FHIT: variants seen among roughly 807,000 people sequenced by gnomAD.
FHIT encodes the protein bis(5'-adenosyl)-triphosphatase.
Under a neutral mutation model 17.9 loss-of-function variants are expected in FHIT, and 19 were observed. The ratio of observed to expected loss-of-function variants is 1.06; its 90% CI spans 0.74 to 1.56. FHIT has a LOEUF of 1.56. Ranked by LOEUF, FHIT falls within the 40% of genes most tolerant of loss-of-function variation. The pLI, the probability that FHIT is intolerant of heterozygous loss-of-function variation, is 0.00. For synonymous variants in FHIT, 81 were observed against 69.7 expected (o/e 1.16, Z -0.81); for missense variants, 248 against 189.2 (o/e 1.31, Z -1.82).
intron 3 of FHIT, among the ~76,000 whole-genome samples, chr3:60,964,718 C>G (rs1709630330): frequency 6.6e-6 from 1 of 152,198 alleles, no homozygotes. Flanking sequence ...ATATGAAATT[C>G]TGGGTTGAAA....
chr3:59,966,344 G>T (rs929100342), intron 7 of FHIT, among the ~76,000 whole-genome samples: 2 of 152,132 alleles, frequency 1.3e-5, no homozygotes, highest in Non-Finnish European at 2.9e-5. Context: ...CTCACATATG[G>T]TTGTCCTGGA....
intron 5 of FHIT, among the ~76,000 whole-genome samples, chr3:60,504,036 T>C (rs1395731443): frequency 6.6e-6 from 1 of 152,188 alleles, no homozygotes; most frequent in Non-Finnish European, 1.5e-5. Context: ...ACTACACAGA[T>C]AAATGACCAC....
intron 5 of FHIT, among the ~76,000 whole-genome samples, chr3:60,493,012 C>T (rs1373274665): frequency 1.3e-5 from 2 of 152,060 alleles, no homozygotes; most frequent in African/African-American, 4.8e-5. Context: ...TGTATACCCA[C>T]TAATTATAAA....
intron 4 of FHIT, among the ~76,000 whole-genome samples, chr3:60,776,608 G>T (rs149610313): frequency 1.1e-3 from 163 of 152,210 alleles, no homozygotes; most frequent in African/African-American, 3.9e-3. Context: ...TAAGGCCTGG[G>T]GACACACGGA....
chr3:61,176,035 A>C (rs1220076087), intron 2 of FHIT, among the ~76,000 whole-genome samples: 1 of 152,240 alleles, frequency 6.6e-6, no homozygotes, highest in African/African-American at 2.4e-5. Context: ...GACAAACATC[A>C]GTATCTCAGA....
intron 5 of FHIT, among the ~76,000 whole-genome samples, chr3:60,128,198 T>C (rs1705645805): frequency 6.6e-6 from 1 of 152,204 alleles, no homozygotes; most frequent in Admixed American, 6.5e-5. Context: ...GTGTTCCCAC[T>C]GAAATCTCAT....
intron 5 of FHIT, among the ~76,000 whole-genome samples, chr3:60,450,298 T>A (rs534504932): frequency 6.6e-6 from 1 of 152,126 alleles, no homozygotes; most frequent in African/African-American, 2.4e-5. Flanking sequence ...AACTCCATTA[T>A]AATCTTATGG....
chr3:61,239,567 T>C (rs1349296226), intron 1 of FHIT, among the ~76,000 whole-genome samples: 1 of 152,014 alleles, frequency 6.6e-6, no homozygotes, highest in Admixed American at 6.5e-5. Flanking sequence ...TATCTTATAA[T>C]CTTCCTTCTT....
At chr3:61,061,807 A>G (rs2034441159) in intron 2 of FHIT, among the ~76,000 whole-genome samples, 2 of 152,316 alleles carry the variant, frequency 1.3e-5, no homozygotes, top group South Asian at 4.1e-4. Flanking sequence ...AAAAGCATAT[A>G]AATCAAAGAT....
intron 3 of FHIT, among the ~76,000 whole-genome samples, chr3:60,965,333 TA>T (rs1485296259): frequency 6.6e-6 from 1 of 152,226 alleles, no homozygotes; most frequent in Non-Finnish European, 1.5e-5. Flanking sequence ...GCGATTCGTC[TA>T]ATCTTTTTTC....
intron 5 of FHIT, among the ~76,000 whole-genome samples, chr3:60,283,240 C>T (rs547583451): frequency 8.5e-5 from 13 of 152,168 alleles, no homozygotes; most frequent in African/African-American, 3.1e-4. Flanking sequence ...TACACACACA[C>T]ACATACACAC....
intron 8 of FHIT, among the ~76,000 whole-genome samples, chr3:59,902,610 T>C (rs1243415871): frequency 6.6e-6 from 1 of 151,846 alleles, no homozygotes; most frequent in African/African-American, 2.4e-5. Context: ...GATTTACTCT[T>C]TAAAAAGAAG....
chr3:60,311,816 G>A (rs1043696513), intron 5 of FHIT, among the ~76,000 whole-genome samples: 4 of 152,064 alleles, frequency 2.6e-5, no homozygotes, highest in Admixed American at 1.3e-4. Flanking sequence ...ACATGGTCGG[G>A]GTGGACTTTC....
intron 5 of FHIT, among the ~76,000 whole-genome samples, chr3:60,334,445 T>A (rs1010023574): frequency 3.3e-5 from 5 of 152,204 alleles, no homozygotes; most frequent in Admixed American, 6.5e-5. Context: ...AAACAGTCAG[T>A]AAGTTCCACC....
intron 4 of FHIT, among the ~76,000 whole-genome samples, chr3:60,636,434 T>C (rs1336600999): frequency 6.9e-6 from 1 of 145,038 alleles, no homozygotes; most frequent in Non-Finnish European, 1.5e-5. Flanking sequence ...GACTTGGGCA[T>C]GTCCTACAGT....
At chr3:59,937,122 G>A (rs529055074) in intron 7 of FHIT, among the ~76,000 whole-genome samples, 3 of 152,152 alleles carry the variant, frequency 2.0e-5, no homozygotes, top group Non-Finnish European at 4.4e-5. Context: ...TTATTTCTTA[G>A]GAAAATTACT....
At chr3:61,074,464 T>C (rs1415847024) in intron 2 of FHIT, among the ~76,000 whole-genome samples, 4 of 152,198 alleles carry the variant, frequency 2.6e-5, no homozygotes, top group African/African-American at 9.6e-5. Context: ...CATACAGTAA[T>C]GGTTGACTTT....
At chr3:61,097,912 T>G (rs1458071117) in intron 2 of FHIT, among the ~76,000 whole-genome samples, 1 of 152,246 alleles carries the variant, frequency 6.6e-6, no homozygotes, top group East Asian at 1.9e-4. Context: ...CTATTCACTC[T>G]GTTGGTAGTT....
At chr3:60,078,361 G>T (rs1419307487) in intron 5 of FHIT, among the ~76,000 whole-genome samples, 1 of 152,090 alleles carries the variant, frequency 6.6e-6, no homozygotes, top group African/African-American at 2.4e-5. Flanking sequence ...ACCTCTGTAG[G>T]ATTCTGGCCA....
Sources: allele counts gnomAD v4.1 joint callset (sites outside exome capture counted in the v4.1 genomes callset), GRCh38; gene constraint gnomAD v4.1.1; transcripts MANE v1.5; gene names NCBI Gene and HGNC (gene_info 2026-07-23, HGNC 2026-07-21).